NELL1: variants seen among roughly 807,000 people sequenced by gnomAD.
NELL1 encodes the protein protein kinase C-binding protein NELL1.
A neutral mutation model predicts 107.4 loss-of-function variants in NELL1; 76 were observed. The ratio of observed to expected loss-of-function variants is 0.71; its 90% CI spans 0.59 to 0.86. NELL1 has a LOEUF of 0.86. Ranked by LOEUF, NELL1 falls within the 40% of genes least tolerant of loss-of-function variation. The pLI is 0.00. For missense variants in NELL1, 1,024 were observed against 1,005.5 expected (o/e 1.02, Z -0.25); for synonymous variants, 353 against 341.2 (o/e 1.03, Z -0.38).
intron 14 of NELL1, among the ~76,000 whole-genome samples, chr11:21,265,221 T>A (rs541539894): frequency 6.6e-6 from 1 of 152,142 alleles, no homozygotes; most frequent in African/African-American, 2.4e-5. Context: ...AAATTCAGCA[T>A]GAATAATGTG....
chr11:21,512,237 G>T (rs1293912015), intron 15 of NELL1, among the ~76,000 whole-genome samples: 1 of 152,172 alleles, frequency 6.6e-6, no homozygotes, highest in Non-Finnish European at 1.5e-5. Context: ...CCAGCCTCCT[G>T]TTTAATGCTG....
intron 7 of NELL1, among the ~76,000 whole-genome samples, chr11:20,923,321 T>C (rs1850421521): frequency 6.6e-6 from 1 of 152,152 alleles, no homozygotes; most frequent in Admixed American, 6.5e-5. Context: ...TGCCCTTGCT[T>C]GATCATGGGA....
At chr11:21,339,742 T>A (rs1485208948) in intron 14 of NELL1, among the ~76,000 whole-genome samples, 1 of 152,174 alleles carries the variant, frequency 6.6e-6, no homozygotes, top group Admixed American at 6.5e-5. Flanking sequence ...AAGAATGTAC[T>A]AATTCTACCA....
chr11:21,437,163 T>C (rs1433535888), intron 15 of NELL1, among the ~76,000 whole-genome samples: 5 of 152,208 alleles, frequency 3.3e-5, no homozygotes, highest in Admixed American at 2.0e-4. Context: ...CAATATTTCT[T>C]GGATGATTTT....
intron 16 of NELL1, among the ~76,000 whole-genome samples, chr11:21,555,860 A>C (rs1383898516): frequency 6.6e-6 from 1 of 151,870 alleles, no homozygotes; most frequent in Non-Finnish European, 1.5e-5. Context: ...TAACTGTGTC[A>C]ACCTCATTCT....
At chr11:21,105,880 T>C (rs1350293010) in intron 12 of NELL1, among the ~76,000 whole-genome samples, 12 of 15,904 alleles carry the variant, frequency 7.5e-4, no homozygotes, top group Admixed American at 9.7e-4. Flanking sequence ...CCTTCCTCTC[T>C]CCTCTCCTCT....
At chr11:21,286,540 T>C (rs1849120184) in intron 14 of NELL1, among the ~76,000 whole-genome samples, 1 of 152,262 alleles carries the variant, frequency 6.6e-6, no homozygotes, top group Non-Finnish European at 1.5e-5. Flanking sequence ...CGTACCACTC[T>C]TTTTTATGAT....
intron 3 of NELL1, among the ~76,000 whole-genome samples, chr11:20,831,367 C>T (rs531943388): frequency 5.9e-5 from 9 of 152,208 alleles, no homozygotes; most frequent in East Asian, 1.9e-4. Context: ...CCTTCACGTT[C>T]GAGGAACACT....
intron 14 of NELL1, among the ~76,000 whole-genome samples, chr11:21,268,281 C>T (rs12289580): frequency 0.23 from 35,707 of 152,062 alleles, 5,298 homozygotes; most frequent in Middle Eastern, 0.39. Context: ...GTGAGCTTTA[C>T]ATCCAGGAGC....
intron 12 of NELL1, among the ~76,000 whole-genome samples, chr11:21,103,560 A>G (rs920481400): frequency 1.3e-5 from 2 of 152,324 alleles, no homozygotes; most frequent in African/African-American, 2.4e-5. Context: ...AAAATGCTTA[A>G]AACTATGCTT....
intron 13 of NELL1, among the ~76,000 whole-genome samples, chr11:21,203,071 G>A (rs1202232007): frequency 6.6e-6 from 1 of 152,146 alleles, no homozygotes; most frequent in Non-Finnish European, 1.5e-5. Flanking sequence ...TAAATGTGAT[G>A]TGGTGCTGAG....
intron 14 of NELL1, among the ~76,000 whole-genome samples, chr11:21,354,842 A>G (rs558877243): frequency 6.6e-6 from 1 of 152,164 alleles, no homozygotes; most frequent in Non-Finnish European, 1.5e-5. Context: ...GTTTGCTGGA[A>G]TTTATCTCTT....
chr11:21,494,511 C>T (rs1854924786), intron 15 of NELL1, among the ~76,000 whole-genome samples: 2 of 151,834 alleles, frequency 1.3e-5, no homozygotes, highest in South Asian at 2.1e-4. Flanking sequence ...GTGTGTATTT[C>T]AACAAATATG....
chr11:21,489,417 A>AAAAAAAAAAAAAAC (rs1554922057), intron 15 of NELL1, among the ~76,000 whole-genome samples: 1 of 149,640 alleles, frequency 6.7e-6, no homozygotes, highest in Non-Finnish European at 1.5e-5. Flanking sequence ...AACAGAAGAA[A>AAAAAAAAAAAAAAC]AGGGAACTCT....
intron 12 of NELL1, among the ~76,000 whole-genome samples, chr11:20,992,865 C>T (rs1219868975): frequency 6.6e-6 from 1 of 152,032 alleles, no homozygotes; most frequent in Non-Finnish European, 1.5e-5. Flanking sequence ...CAGGCATGCG[C>T]CACCACACCT....
At chr11:20,696,509 G>A (rs893667885) in intron 2 of NELL1, among the ~76,000 whole-genome samples, 2 of 151,866 alleles carry the variant, frequency 1.3e-5, no homozygotes, top group African/African-American at 4.8e-5. Flanking sequence ...TAACATTATT[G>A]CCACATTTAT....
rs553997520 is a variant in NELL1, at chr11:20,747,673, A to C, written c.185-36007A>C. Among the ~76,000 whole-genome samples, 13 of 152,328 alleles carry C rather than the reference A, an allele frequency of 8.5e-5. No homozygotes were observed. In the South Asian group the frequency reaches 2.7e-3, roughly 32 times the overall value. ...TGTCAATCTTGGAAATTAAATTTCA[A>C]CATGCGTTTTGGAGGTGACAAATGT... On this transcript the variant is annotated intron_variant, in intron 2 of 19. Transcript: ENST00000357134.
chr11:21,574,869 G>A (rs1857185681), intron 19 of NELL1, 103 bp from the exon 20 acceptor site: 1 of 919,922 alleles, frequency 1.1e-6, no homozygotes, highest in South Asian at 1.5e-5. Flanking sequence ...CCTTCTTGAA[G>A]TTTGTCTCAA....
At chr11:21,150,512 G>A (rs1245047874) in intron 13 of NELL1, among the ~76,000 whole-genome samples, 1 of 152,154 alleles carries the variant, frequency 6.6e-6, no homozygotes, top group Admixed American at 6.5e-5. Flanking sequence ...CTGGTAATGT[G>A]AAGGCAGTGG....
Sources: allele counts gnomAD v4.1 joint callset (sites outside exome capture counted in the v4.1 genomes callset), GRCh38; gene constraint gnomAD v4.1.1; transcripts MANE v1.5; gene names NCBI Gene and HGNC (gene_info 2026-07-23, HGNC 2026-07-21).